Variants in OSGIN2 observed in about 807,000 individuals in gnomAD.
The protein encoded by OSGIN2 is oxidative stress-induced growth inhibitor 2.
Under a neutral mutation model 53.8 loss-of-function variants are expected in OSGIN2, and 19 were observed. That is an observed-to-expected ratio of 0.35 (90% CI 0.25 to 0.52). The LOEUF (loss-of-function observed/expected upper bound fraction) is 0.52, where lower values mean the gene tolerates loss of function less well. OSGIN2 is among the 20% of genes least tolerant of loss of function. OSGIN2 has a pLI of 0.95. For missense variants in OSGIN2, 520 were observed against 662.7 expected (o/e 0.78, Z 2.36); for synonymous variants, 236 against 236.0 (o/e 1.00, Z 0.00).
chr8:89,911,020 A>T (rs1808956774), intron 2 of OSGIN2, among the ~76,000 whole-genome samples: 1 of 152,188 alleles, frequency 6.6e-6, no homozygotes, highest in South Asian at 2.1e-4. Context: ...GTGGGTCAGA[A>T]ATTCAACATG....
At chr8:89,907,439 A>G (rs183486083) in intron 1 of OSGIN2, among the ~76,000 whole-genome samples, 1 of 152,248 alleles carries the variant, frequency 6.6e-6, no homozygotes, top group Non-Finnish European at 1.5e-5. Context: ...TACTTTTTGT[A>G]TGTGGTATAA....
rs772583917 is a variant in OSGIN2 at position 89,925,398 on chromosome 8, T to C, written c.1516T>C (p.Leu506=). The part of the protein sequence containing the change: ...ECIKEANLFA[L]GPLVGDNFVR... ...TATTAAAGAAGCCAACCTTTTTGCA[T>C]TGGGTCCTTTGGTTGGAGACAATTT... The change falls in exon 6 of 6, where the codon TTG becomes CTG. Residue 506 remains leucine, a synonymous_variant. Coordinates refer to ENST00000451899, the MANE Select transcript of OSGIN2 (RefSeq NM_001126111.3). 2 of 1,614,098 alleles carry C rather than the reference T, an allele frequency of 1.2e-6. No homozygotes were observed. The highest frequency in any genetic ancestry group is 4.5e-5 in the East Asian group (2 of 44,872).
intron 4 of OSGIN2, among the ~76,000 whole-genome samples, chr8:89,915,348 T>C (rs888573606): frequency 1.3e-5 from 2 of 152,206 alleles, no homozygotes; most frequent in East Asian, 3.8e-4. Context: ...TCTCTTCTTA[T>C]GAAGCCAGTA....
At chr8:89,923,418 TACAA>T (rs1414583283) in intron 5 of OSGIN2, among the ~76,000 whole-genome samples, 2 of 152,216 alleles carry the variant, frequency 1.3e-5, no homozygotes, top group Non-Finnish European at 1.5e-5. Context: ...CATTACAAGT[TACAA>T]ACAGTCCCTG....
rs1169366485 is a variant in OSGIN2, at chr8:89,926,835, T to C, written c.*1303T>C. On this transcript the variant is annotated 3_prime_UTR_variant, in exon 6 of 6. Transcript: ENST00000451899. ...TATTTTTCTTAGAATTAAAAGTGGA[T>C]TAATGTGGGTTTTTCTGTTCATTTT... 2 of 152,216 alleles carry C rather than the reference T, an allele frequency of 1.3e-5. No homozygotes were observed. The highest frequency in any genetic ancestry group is 4.8e-5 in the African/African-American group (2 of 41,462). The allele number at this position is 152,216 out of a possible 1,614,324, so 9.4% of individuals were successfully genotyped here. A position where few individuals can be genotyped will look rare whatever the true frequency, so the allele number is the denominator to read the frequency against.
chr8:89,913,965 G>A lies in OSGIN2; in HGVS notation c.200-112G>A, dbSNP rs1260996925. On this transcript the variant is annotated intron_variant, in intron 2 of 5. Transcript: ENST00000451899. The stretch of plus-strand genomic sequence containing the variant: ...TGAAACATCTGGTTTTAAGAGATTA[G>A]AAAAGGAAGAACTGGTCAGAGAAAA... The A allele has an allele frequency of 3.5e-6, 3 of 864,292 alleles. No homozygotes were observed. The East Asian group carries it at 7.7e-5, about 22-fold the overall frequency. The allele number at this position is 864,292 out of a possible 1,614,324, so 53.5% of individuals were successfully genotyped here.
chr8:89,908,748 A>G (rs1808891248), intron 1 of OSGIN2, among the ~76,000 whole-genome samples: 2 of 152,170 alleles, frequency 1.3e-5, no homozygotes, highest in Non-Finnish European at 2.9e-5. Context: ...ACTAATTTCT[A>G]GAGAGCCAAT....
rs771968166 is a variant in OSGIN2 at position 89,914,127 on chromosome 8, C to T, written c.250C>T (p.Pro84Ser). 1 of 1,605,418 alleles carries T rather than the reference C, an allele frequency of 6.2e-7. No homozygotes were observed. The highest frequency in any genetic ancestry group is 2.2e-5 in the East Asian group (1 of 44,748). Residue 84 changes from proline to serine, a missense_variant, in exon 3 of 6, where the codon CCG becomes TCG. Physicochemically the swap from Pro to Ser is moderately conservative, Grantham distance 74. This residue lies in a region of OSGIN2 where 203 missense variants were observed against 275.3 expected (regional missense o/e 0.74). Coordinates refer to ENST00000451899, the MANE Select transcript of OSGIN2 (RefSeq NM_001126111.3). ...CLSYMLSGYR[P>S]YLSSEAIHPN... is the part of the protein sequence containing the mutation. ...TTCTTATATGTTATCAGGCTACAGA[C>T]CGTATTTATCATCAGAAGCAATACA...
Position 89,925,494 on chromosome 8 carries a change from T to G in OSGIN2, c.1612T>G (p.Leu538Val). The change falls in exon 6 of 6, where the codon TTG becomes GTG. Residue 538 changes from leucine to valine, a missense_variant. Physicochemically the swap from Leu to Val is conservative, Grantham distance 32. Around this residue, in one of 3 missense-constraint regions of OSGIN2, gnomAD observed 239 missense variants for 328.3 expected, o/e 0.73. Transcript: ENST00000451899. ...CLATRQKKKH[L>V]FVERGGGDGI... ...AGCTACAAGACAGAAGAAAAAGCAT[T>G]TGTTTGTTGAAAGAGGAGGAGGAGA... 4 of 1,612,364 alleles carry G rather than the reference T, an allele frequency of 2.5e-6. No homozygotes were observed. The highest frequency in any genetic ancestry group is 3.4e-6 in the Non-Finnish European group (4 of 1,179,614).
intron 5 of OSGIN2, among the ~76,000 whole-genome samples, chr8:89,921,680 A>C (rs1427458122): frequency 1.3e-5 from 2 of 152,188 alleles, no homozygotes; most frequent in African/African-American, 2.4e-5. Context: ...TTAATAAAAA[A>C]AAATAAGAGT....
chr8:89,921,518 A>G (rs1447732083), intron 5 of OSGIN2, among the ~76,000 whole-genome samples: 1 of 152,204 alleles, frequency 6.6e-6, no homozygotes, highest in Non-Finnish European at 1.5e-5. Context: ...AACTTTATCT[A>G]TGCATATCTC....
intron 3 of OSGIN2, 87 bp downstream of exon 3, chr8:89,914,300 C>A: frequency 1.1e-6 from 1 of 925,712 alleles, no homozygotes; most frequent in East Asian, 2.6e-5. Context: ...TTAGTTGAAA[C>A]CCCTTATTCT....
intron 5 of OSGIN2, among the ~76,000 whole-genome samples, chr8:89,924,044 A>G (rs971883462): frequency 2.6e-5 from 4 of 152,148 alleles, no homozygotes; most frequent in Admixed American, 1.3e-4. Context: ...AGTGTACTAA[A>G]ATTCATGTCA....
intron 2 of OSGIN2, among the ~76,000 whole-genome samples, chr8:89,912,124 C>T (rs531171890): frequency 1.3e-5 from 2 of 152,208 alleles, no homozygotes; most frequent in South Asian, 4.1e-4. Context: ...AGGTAAGGAA[C>T]AGGATTTTTT....
chr8:89,910,624 G>T (rs1191019704), intron 2 of OSGIN2, among the ~76,000 whole-genome samples: 1 of 152,062 alleles, frequency 6.6e-6, no homozygotes, highest in African/African-American at 2.4e-5. Flanking sequence ...TTTTGTAATA[G>T]TTCTCAACCA....
At chr8:89,904,785 G>A (rs965297094) in intron 1 of OSGIN2, among the ~76,000 whole-genome samples, 2 of 152,092 alleles carry the variant, frequency 1.3e-5, no homozygotes, top group African/African-American at 2.4e-5. Flanking sequence ...CTGCATTCCA[G>A]CTGGGCGACA....
intron 2 of OSGIN2, among the ~76,000 whole-genome samples, chr8:89,910,880 G>A (rs563063867): frequency 1.6e-4 from 24 of 152,314 alleles, no homozygotes; most frequent in Non-Finnish European, 2.5e-4. Flanking sequence ...TGTCATTACT[G>A]TTGACAATGG....
rs1196680161 is a variant in OSGIN2, at chr8:89,927,785, AT to A, written c.*2254del. On this transcript the variant is annotated 3_prime_UTR_variant, in exon 6 of 6. Transcript: ENST00000451899. ...TTTTGAAAATCTAGTTCTATGTAAT[AT>A]ATTTCTGTGGCATCAAATTTTAGTT... The A allele has an allele frequency of 3.3e-5, 5 of 152,236 alleles. No individual in the cohort carries two copies. The highest frequency in any genetic ancestry group is 5.9e-5 in the Non-Finnish European group (4 of 68,032). The allele number at this position is 152,236 out of a possible 1,614,324, so 9.4% of individuals were successfully genotyped here.
At chr8:89,910,049 G>C (rs1237354584) in intron 2 of OSGIN2, among the ~76,000 whole-genome samples, 1 of 152,060 alleles carries the variant, frequency 6.6e-6, no homozygotes, top group African/African-American at 2.4e-5. Flanking sequence ...TATATTATTG[G>C]ATAATACCTT....
Sources: gnomAD v4.1 joint callset for allele counts (sites outside exome capture counted in the v4.1 genomes callset) on GRCh38, gnomAD v4.1.1 for gene constraint, gnomAD v4.1.1 regional missense constraint, MANE v1.5 for transcripts, NCBI Gene and HGNC (gene_info 2026-07-23, HGNC 2026-07-21) for gene names.